The following DNAJC25 variants were observed in gnomAD, a reference collection of about 807,000 sequenced individuals.
DNAJC25 encodes the protein DnaJ heat shock protein family (Hsp40) member C25.
In DNAJC25, 26 loss-of-function variants were observed where a neutral mutation model predicts 42.1. That is an observed-to-expected ratio of 0.62 (90% confidence interval 0.45 to 0.86). The LOEUF (loss-of-function observed/expected upper bound fraction) is 0.86. DNAJC25 is among the 40% of genes least tolerant of loss of function. The probability of loss-of-function intolerance (pLI) is 0.00; values close to 1 mark genes in which losing one functional copy is unlikely to be tolerated. For synonymous variants in DNAJC25, 189 were observed against 179.9 expected (o/e 1.05, Z -0.40); for missense variants, 404 against 459.4 (o/e 0.88, Z 1.10).
At chr9:111,640,116 CG>C (rs1426445770) in intron 1 of DNAJC25, among the ~76,000 whole-genome samples, 32 of 144,894 alleles carry the variant, frequency 2.2e-4, no homozygotes, top group African/African-American at 5.7e-4. Context: ...TTGGTGGAGA[CG>C]GGGTTTCGCT....
intron 1 of DNAJC25, among the ~76,000 whole-genome samples, chr9:111,641,353 G>T (rs1159251002): frequency 2.9e-5 from 4 of 136,998 alleles, no homozygotes; most frequent in South Asian, 2.3e-4. Flanking sequence ...GGAGGGAGGT[G>T]GGGGGGTCAG....
Position 111,631,355 on chromosome 9 carries a change from C to G in DNAJC25, c.-53C>G, listed in dbSNP as rs959789112. On this transcript the variant is annotated 5_prime_UTR_variant, in exon 1 of 4. Transcript: ENST00000313525. The stretch of plus-strand genomic sequence containing the variant: ...GGCCAGACGGGACTAGCCGGGCGCG[C>G]GGCTGAGTGCTGCAGAATCGCTGGG... 2 of 1,254,092 alleles carry G rather than the reference C, an allele frequency of 1.6e-6. No homozygotes were observed. The highest frequency in any genetic ancestry group is 2.0e-6 in the Non-Finnish European group (2 of 1,002,828). The allele number at this position is 1,254,092 out of a possible 1,614,324, so 77.7% of individuals were successfully genotyped here. A position where few individuals can be genotyped will look rare whatever the true frequency, so the allele number is the denominator to read the frequency against.
Sources: gnomAD v4.1 joint callset for allele counts (sites outside exome capture counted in the v4.1 genomes callset) on GRCh38, gnomAD v4.1.1 for gene constraint, MANE v1.5 for transcripts, NCBI Gene and HGNC (gene_info 2026-07-23, HGNC 2026-07-21) for gene names.